Variants in ANXA4 observed in about 807,000 individuals in gnomAD.
The protein encoded by ANXA4 is 35-beta calcimedin.
ANXA4 carries 39 observed loss-of-function variants against 49.8 expected under a neutral mutation model. That is an observed-to-expected ratio of 0.78 (90% CI 0.61 to 1.02). The LOEUF is 1.02. Ranked by LOEUF, ANXA4 falls within the 50% of genes least tolerant of loss-of-function variation. The pLI, the probability that ANXA4 is intolerant of heterozygous loss-of-function variation, is 0.00. For missense variants in ANXA4, 360 were observed against 410.1 expected (o/e 0.88, Z 1.05); for synonymous variants, 134 against 152.5 (o/e 0.88, Z 0.89).
At chr2:69,662,462 G>T (rs1274963731) in intron 2 of ANXA4, among the ~76,000 whole-genome samples, 1 of 151,966 alleles carries the variant, frequency 6.6e-6, no homozygotes, top group African/African-American at 2.4e-5. Flanking sequence ...AGGGTGCAAA[G>T]AATTTGCAGC....
chr2:69,699,342 C>G (rs1678259489), intron 2 of ANXA4, among the ~76,000 whole-genome samples: 1 of 152,116 alleles, frequency 6.6e-6, no homozygotes, highest in Non-Finnish European at 1.5e-5. Context: ...AGGACACCCA[C>G]ATAGTAAGAA....
At position 69,703,959 on chromosome 2, in the gene ANXA4, T is replaced by C. The variant is rs1472448830; in HGVS notation, n.767-16815T>C. Among the ~76,000 whole-genome samples, 16 of 152,312 alleles carry C rather than the reference T, an allele frequency of 1.1e-4. No individual in the cohort carries two copies. In the East Asian group the frequency reaches 3.1e-3, roughly 29 times the overall value. Reference sequence around the variant, plus strand: ...CGCAGCTTAAATGTTTTAATTCTTGTAACTTCAAAATGTATTTAAATATTT... The same window carrying C: ...CGCAGCTTAAATGTTTTAATTCTTGCAACTTCAAAATGTATTTAAATATTT... On this transcript the variant is annotated intron_variant and non_coding_transcript_variant, in intron 2 of 3. Transcript: ENST00000418066.
intron 3 of ANXA4, among the ~76,000 whole-genome samples, chr2:69,736,210 C>T (rs1670240382): frequency 6.6e-6 from 1 of 152,158 alleles, no homozygotes; most frequent in Non-Finnish European, 1.5e-5. Context: ...TAGATGCCAC[C>T]TCTTGATTGA....
chr2:69,650,785 C>T (rs577208284), intron 1 of ANXA4, among the ~76,000 whole-genome samples: 11 of 152,288 alleles, frequency 7.2e-5, no homozygotes, highest in African/African-American at 2.6e-4. Flanking sequence ...GGCATTAAAT[C>T]CTAAGTATTT....
At chr2:69,759,758 T>C (rs1319652694) in intron 1 of ANXA4, among the ~76,000 whole-genome samples, 1 of 152,110 alleles carries the variant, frequency 6.6e-6, no homozygotes, top group African/African-American at 2.4e-5. Context: ...AAAAAATAAT[T>C]TTTTGGCGTG....
chr2:69,732,406 G>A (rs1296195847), intron 3 of ANXA4, among the ~76,000 whole-genome samples: 2 of 152,112 alleles, frequency 1.3e-5, no homozygotes, highest in Non-Finnish European at 2.9e-5. Context: ...ATATCTAGAA[G>A]TGATATAAAC....
intron 3 of ANXA4, among the ~76,000 whole-genome samples, chr2:69,721,714 T>A (rs921653744): frequency 6.6e-6 from 1 of 151,998 alleles, no homozygotes; most frequent in Non-Finnish European, 1.5e-5. Context: ...AAAAAATTAC[T>A]CTGGATTGTT....
intron 2 of ANXA4, among the ~76,000 whole-genome samples, chr2:69,703,202 C>T (rs1253323844): frequency 6.6e-6 from 1 of 151,916 alleles, no homozygotes; most frequent in Non-Finnish European, 1.5e-5. Context: ...TGGGTCAGAA[C>T]CCCCTATGGA....
intron 3 of ANXA4, 25 bp from the exon 4 acceptor site, chr2:69,804,508 C>T (rs773202267): frequency 6.3e-7 from 1 of 1,596,194 alleles, no homozygotes; most frequent in Non-Finnish European, 8.6e-7. Context: ...ATCACACTTA[C>T]CTGCTGTCTC....
chr2:69,699,469 A>AT (rs1241219097), intron 2 of ANXA4, among the ~76,000 whole-genome samples: 2 of 151,964 alleles, frequency 1.3e-5, no homozygotes, highest in Non-Finnish European at 2.9e-5. Context: ...GTGAGACCTC[A>AT]TTCTATGAGA....
At chr2:69,694,875 C>A (rs1438561255) in intron 2 of ANXA4, among the ~76,000 whole-genome samples, 6 of 152,104 alleles carry the variant, frequency 3.9e-5, no homozygotes, top group African/African-American at 1.4e-4. Context: ...ATCCACCTGC[C>A]TTGGCCTCCC....
intron 2 of ANXA4, among the ~76,000 whole-genome samples, chr2:69,717,773 T>C (rs913150353): frequency 2.6e-5 from 4 of 152,138 alleles, no homozygotes; most frequent in African/African-American, 9.7e-5. Context: ...TGGTACCTCA[T>C]CCAGTTTGCT....
intron 1 of ANXA4, among the ~76,000 whole-genome samples, chr2:69,651,037 G>A (rs1484721736): frequency 2.0e-5 from 3 of 152,190 alleles, no homozygotes; most frequent in African/African-American, 7.2e-5. Context: ...TTATAATGTA[G>A]TAATTATTGG....
At chr2:69,816,406 G>A (rs1157342857) in intron 9 of ANXA4, 2 of 461,644 alleles carry the variant, frequency 4.3e-6, no homozygotes, top group Non-Finnish European at 7.8e-6. Flanking sequence ...TAGAAAAAGT[G>A]CATGTAGTCA....
intron 3 of ANXA4, among the ~76,000 whole-genome samples, chr2:69,729,877 A>G (rs906420828): frequency 1.3e-5 from 2 of 152,186 alleles, no homozygotes; most frequent in African/African-American, 2.4e-5. Context: ...AAACCTTCTG[A>G]GCAAAAGGCA....
At chr2:69,788,822 A>C (rs1243569495) in intron 3 of ANXA4, among the ~76,000 whole-genome samples, 2 of 135,292 alleles carry the variant, frequency 1.5e-5, no homozygotes, top group African/African-American at 5.7e-5. Flanking sequence ...TGGGCGACAG[A>C]GCGAGACTCC....
intron 3 of ANXA4, among the ~76,000 whole-genome samples, chr2:69,730,326 A>AC (rs919489426): frequency 6.6e-6 from 1 of 152,144 alleles, no homozygotes; most frequent in African/African-American, 2.4e-5. Flanking sequence ...ACATGAGGAA[A>AC]CCCCATCTCT....
chr2:69,652,111 C>G (rs1031450657), intron 1 of ANXA4, among the ~76,000 whole-genome samples: 1 of 152,094 alleles, frequency 6.6e-6, no homozygotes, highest in Non-Finnish European at 1.5e-5. Flanking sequence ...CTCCCAGGTT[C>G]AACAGATTCT....
intron 1 of ANXA4, among the ~76,000 whole-genome samples, chr2:69,761,198 G>A (rs892578479): frequency 4.3e-4 from 65 of 151,938 alleles, no homozygotes; most frequent in Non-Finnish European, 7.5e-4. Context: ...TTATTAATGA[G>A]ATATTTTATA....
Sources: allele counts gnomAD v4.1 joint callset (sites outside exome capture counted in the v4.1 genomes callset), GRCh38; gene constraint gnomAD v4.1.1; transcripts MANE v1.5; gene names NCBI Gene and HGNC (gene_info 2026-07-23, HGNC 2026-07-21).